MYCBP2: variants seen among roughly 807,000 people sequenced by gnomAD.
The protein encoded by MYCBP2 is MYC binding protein 2, also known as E3 ubiquitin-protein ligase MYCBP2.
A neutral mutation model predicts 525.3 loss-of-function variants in MYCBP2; 120 were observed. That is an observed-to-expected ratio of 0.23 (90% CI 0.20 to 0.27). The LOEUF (loss-of-function observed/expected upper bound fraction) is 0.27. Among genes scored for constraint, MYCBP2 ranks in the 10% least tolerant of loss-of-function variants. MYCBP2 has a pLI of 1.00. For synonymous variants in MYCBP2, 1,894 were observed against 1,955.8 expected (o/e 0.97, Z 0.83); for missense variants, 4,149 against 5,657.1 (o/e 0.73, Z 8.55).
At chr13:77,322,923 T>C (rs2081859574) in intron 1 of MYCBP2, among the ~76,000 whole-genome samples, 1 of 152,210 alleles carries the variant, frequency 6.6e-6, no homozygotes, top group Non-Finnish European at 1.5e-5. Flanking sequence ...ACTGGATAAA[T>C]GAAAGAGTTA....
chr13:77,119,308 A>G (rs2050294249), intron 55 of MYCBP2, among the ~76,000 whole-genome samples: 1 of 152,210 alleles, frequency 6.6e-6, no homozygotes, highest in Non-Finnish European at 1.5e-5. Context: ...AGAGGGAACT[A>G]CATCCAGACT....
In MYCBP2 at chr13:77,126,335, C is replaced by T; in HGVS notation, c.7867G>A (p.Val2623Ile). ...PIGMLVLGNK[V>I]KAVGEVTNSE... ...ATCCATACCTCTCCCACTGCTTTGA[C>T]TTTGTTTCCCAGAACTAACATTCCA... The change falls in exon 53 of 83, where the codon GTC (valine) becomes ATC (isoleucine). Residue 2623 changes from valine to isoleucine, a missense_variant. Val to Ile is a conservative substitution (Grantham distance 29, BLOSUM62 3). This residue lies in a region of MYCBP2 where 653 missense variants were observed against 744.7 expected (regional missense o/e 0.88). Transcript: ENST00000544440. 6.2e-7 allele frequency: 1 copy of T among 1,613,700 alleles called. No individual in the cohort carries two copies. The highest frequency in any genetic ancestry group is 1.7e-5 in the Admixed American group (1 of 59,986).
chr13:77,255,853 C>T (rs1412647193), intron 14 of MYCBP2, among the ~76,000 whole-genome samples: 1 of 151,844 alleles, frequency 6.6e-6, no homozygotes, highest in Admixed American at 6.6e-5. Context: ...CATTAATCCT[C>T]GAAATTATTG....
chr13:77,294,123 T>TATATATAA (rs1555465740), intron 2 of MYCBP2, among the ~76,000 whole-genome samples: 1 of 66,320 alleles, frequency 1.5e-5, no homozygotes, highest in Admixed American at 2.3e-4. Context: ...TATATATATA[T>TATATATAA]ATATATACAT....
intron 15 of MYCBP2, among the ~76,000 whole-genome samples, chr13:77,248,211 T>C (rs2154323895): frequency 6.6e-6 from 1 of 151,036 alleles, no homozygotes; most frequent in African/African-American, 2.4e-5. Flanking sequence ...AATAATTTCT[T>C]GGATATGATA....
chr13:77,126,685 G>C (rs989920573), intron 52 of MYCBP2, 143 bp from the exon 53 acceptor site: 1 of 599,196 alleles, frequency 1.7e-6, no homozygotes, highest in Non-Finnish European at 2.8e-6. Context: ...TGAAGAATTA[G>C]TCATTAGCAC....
At chr13:77,265,502 T>TA (rs922123546) in intron 8 of MYCBP2, among the ~76,000 whole-genome samples, 2 of 151,974 alleles carry the variant, frequency 1.3e-5, no homozygotes, top group African/African-American at 2.4e-5. Flanking sequence ...AATTATCAGA[T>TA]AAAAAAAGTA....
intron 55 of MYCBP2, among the ~76,000 whole-genome samples, chr13:77,115,738 A>G (rs2049629310): frequency 6.6e-6 from 1 of 151,708 alleles, no homozygotes; most frequent in Admixed American, 6.6e-5. Flanking sequence ...TGCTAGATGA[A>G]GTTAAACCAT....
intron 3 of MYCBP2, among the ~76,000 whole-genome samples, chr13:77,285,857 G>GGGAAAGGAAAGGAAAGGAAA (rs71102731): frequency 0.011 from 1,595 of 146,104 alleles, 40 homozygotes; most frequent in East Asian, 0.083. Flanking sequence ...GAGAAAGGAA[G>GGGAAAGGAAAGGAAAGGAAA]GGAAAGGAAA....
chr13:77,294,105 T>TATATATATATATATATATATATATATAC (rs2077792110), intron 2 of MYCBP2, among the ~76,000 whole-genome samples: 1 of 7,938 alleles, frequency 1.3e-4, no homozygotes, highest in Non-Finnish European at 3.0e-4. Flanking sequence ...ATATAATGGC[T>TATATATATATATATATATATATATATAC]ATATATATAT....
At chr13:77,161,853 A>G (rs2057966686) in intron 44 of MYCBP2, 53 bp downstream of exon 44, 2 of 1,384,224 alleles carry the variant, frequency 1.4e-6, no homozygotes, top group Non-Finnish European at 2.0e-6. Context: ...CTGAGTGACA[A>G]TACTTTTTAA....
intron 21 of MYCBP2, among the ~76,000 whole-genome samples, chr13:77,216,077 G>A (rs1031890154): frequency 1.3e-5 from 2 of 152,074 alleles, no homozygotes; most frequent in Non-Finnish European, 2.9e-5. Flanking sequence ...GATAAACCCT[G>A]AACAACTTGT....
chr13:77,201,750 C>T (rs1410189661), intron 26 of MYCBP2, among the ~76,000 whole-genome samples: 13 of 151,882 alleles, frequency 8.6e-5, no homozygotes, highest in Non-Finnish European at 1.6e-4. Context: ...CACTCAAAAC[C>T]ACTCAACTAC....
rs577040292 is a variant in MYCBP2 at position 77,277,654 on chromosome 13, C to T, written c.748+1104G>A. Among the ~76,000 whole-genome samples the T allele has an allele frequency of 6.6e-5, 10 of 152,252 alleles. No homozygotes were observed. In the South Asian group the frequency reaches 2.1e-3, roughly 32 times the overall value. Reference sequence around the variant, plus strand: ...TAAACCAGCAGTGTACTCCTCAAACCAGCATCTGTATCACCAAGAAACTAA... The same window carrying T: ...TAAACCAGCAGTGTACTCCTCAAACTAGCATCTGTATCACCAAGAAACTAA... On this transcript the variant is annotated intron_variant, in intron 4 of 82. Coordinates refer to ENST00000544440, the MANE Select transcript of MYCBP2 (RefSeq NM_015057.5).
chr13:77,104,479 G>A (rs2047558694), intron 55 of MYCBP2, among the ~76,000 whole-genome samples: 1 of 152,064 alleles, frequency 6.6e-6, no homozygotes, highest in Admixed American at 6.6e-5. Flanking sequence ...TGAGAAACTT[G>A]GGAGTCATAT....
chr13:77,295,348 G>C (rs2078063693), intron 2 of MYCBP2, among the ~76,000 whole-genome samples: 1 of 152,092 alleles, frequency 6.6e-6, no homozygotes, highest in Non-Finnish European at 1.5e-5. Flanking sequence ...TGGCCAGGAT[G>C]GTCTCGACCT....
intron 1 of MYCBP2, among the ~76,000 whole-genome samples, chr13:77,309,083 GATTA>G (rs1413174257): frequency 2.6e-5 from 4 of 152,162 alleles, no homozygotes; most frequent in African/African-American, 9.6e-5. Context: ...TAATCCAAAA[GATTA>G]ATTATTTGTC....
At position 77,194,449 on chromosome 13, in the gene MYCBP2, ATC is replaced by A. The variant is rs1017377996; in HGVS notation, c.3844-207_3844-206del. Among the ~76,000 whole-genome samples, 61 of 152,304 alleles carry A rather than the reference ATC, an allele frequency of 4.0e-4. 1 individual carries two copies. Among genetic ancestry groups the A allele is most frequent in the African/African-American group, 1.3e-3 (55 of 41,582 alleles). On this transcript the variant is annotated intron_variant, in intron 26 of 82. Coordinates refer to ENST00000544440, the MANE Select transcript of MYCBP2 (RefSeq NM_015057.5). ...AAACAAGGTTTTATGGTCTACATTA[ATC>A]TCTGTTTTCCTAATTTATATATTCA...
chr13:77,203,880 T>C (rs1232303148), intron 26 of MYCBP2, among the ~76,000 whole-genome samples: 1 of 151,898 alleles, frequency 6.6e-6, no homozygotes, highest in Admixed American at 6.6e-5. Context: ...CCTTACACCT[T>C]ACACAAAAAT....
Sources: allele counts gnomAD v4.1 joint callset (sites outside exome capture counted in the v4.1 genomes callset), GRCh38; gene constraint gnomAD v4.1.1; regional missense constraint gnomAD v4.1.1; transcripts MANE v1.5; gene names NCBI Gene and HGNC (gene_info 2026-07-23, HGNC 2026-07-21).